Variants in POPDC1 observed in about 807,000 individuals in gnomAD.
POPDC1 encodes popeye domain-containing protein 1.
the POPDC1 span, chr6:105,116,991 T>TA: frequency 7.9e-5 from 78 of 983,436 alleles, no homozygotes; most frequent in Middle Eastern, 3.2e-4. Flanking sequence ...TGTCAAATTA[T>TA]AAAAAAAAGG....
chr6:105,103,138 GT>G, the POPDC1 span, among the ~76,000 whole-genome samples: 1 of 151,918 alleles, frequency 6.6e-6, no homozygotes, highest in Non-Finnish European at 1.5e-5. Context: ...CCTTGGACAA[GT>G]TACTTCTTTG....
At chr6:105,121,999 C>T in the POPDC1 span, among the ~76,000 whole-genome samples, 1 of 152,186 alleles carries the variant, frequency 6.6e-6, no homozygotes, top group African/African-American at 2.4e-5. Context: ...TCCTCTGCCA[C>T]TGACACAGGT....
the POPDC1 span, chr6:105,115,742 T>G: frequency 1.9e-6 from 3 of 1,614,200 alleles, no homozygotes; most frequent in South Asian, 1.1e-5. Context: ...GTCGTCACTG[T>G]CACTGGAGCT....
the POPDC1 span, chr6:105,097,558 T>G: frequency 6.6e-6 from 1 of 152,168 alleles, no homozygotes; most frequent in African/African-American, 2.4e-5. Flanking sequence ...CTGGAAACAC[T>G]GGGGACAGGT....
the POPDC1 span, among the ~76,000 whole-genome samples, chr6:105,121,798 C>T: frequency 6.6e-6 from 1 of 152,232 alleles, no homozygotes; most frequent in African/African-American, 2.4e-5. Context: ...GTCCACTTGC[C>T]TTCTCTTTCC....
chr6:105,114,276 C>T, the POPDC1 span, among the ~76,000 whole-genome samples: 1 of 152,200 alleles, frequency 6.6e-6, no homozygotes, highest in Non-Finnish European at 1.5e-5. Flanking sequence ...AACACAAACT[C>T]ATACAACTTG....
chr6:105,136,869 A>G, the POPDC1 span: 1 of 152,120 alleles, frequency 6.6e-6, no homozygotes, highest in Non-Finnish European at 1.5e-5. Context: ...CGAGGGGCTG[A>G]GATCCAACTT....
At chr6:105,121,500 T>G in the POPDC1 span, among the ~76,000 whole-genome samples, 2 of 152,046 alleles carry the variant, frequency 1.3e-5, no homozygotes, top group African/African-American at 4.8e-5. Context: ...ACTCCTGACC[T>G]CAGGTGATCC....
the POPDC1 span, among the ~76,000 whole-genome samples, chr6:105,111,358 T>A: frequency 8.9e-4 from 135 of 152,296 alleles, no homozygotes; most frequent in East Asian, 6.4e-3. Flanking sequence ...GTTTTATACA[T>A]GAAGGGAGCT....
At chr6:105,098,633 T>A in the POPDC1 span, 1 of 152,196 alleles carries the variant, frequency 6.6e-6, no homozygotes, top group Non-Finnish European at 1.5e-5. Context: ...GTAAACTAAA[T>A]GGGCTGCCCA....
At chr6:105,133,620 T>C in the POPDC1 span, 2 of 1,467,884 alleles carry the variant, frequency 1.4e-6, no homozygotes, top group Admixed American at 2.0e-5. Flanking sequence ...AGTAAAATCG[T>C]AAAAATGGCA....
chr6:105,134,962 A>G, the POPDC1 span, among the ~76,000 whole-genome samples: 1 of 152,190 alleles, frequency 6.6e-6, no homozygotes, highest in Non-Finnish European at 1.5e-5. Context: ...CCATTTATAC[A>G]AAATTTGCTT....
the POPDC1 span, chr6:105,101,255 C>T: frequency 1.3e-6 from 2 of 1,534,560 alleles, no homozygotes; most frequent in African/African-American, 1.4e-5. Context: ...AATGCACAAT[C>T]TACCCAGACC....
the POPDC1 span, among the ~76,000 whole-genome samples, chr6:105,118,205 A>C: frequency 2.0e-5 from 3 of 152,238 alleles, no homozygotes; most frequent in Non-Finnish European, 4.4e-5. Context: ...TCACAAAAGT[A>C]AACACATTTC....
At chr6:105,109,522 G>T in the POPDC1 span, among the ~76,000 whole-genome samples, 1 of 151,840 alleles carries the variant, frequency 6.6e-6, no homozygotes, top group Non-Finnish European at 1.5e-5. Flanking sequence ...CAGATCACTT[G>T]AGCCCAGGAA....
At chr6:105,125,988 C>A in the POPDC1 span, among the ~76,000 whole-genome samples, 1 of 152,096 alleles carries the variant, frequency 6.6e-6, no homozygotes, top group Non-Finnish European at 1.5e-5. Flanking sequence ...CTTTGGAAGG[C>A]CGAGGCGGGT....
At chr6:105,117,596 T>G in the POPDC1 span, among the ~76,000 whole-genome samples, 16 of 152,166 alleles carry the variant, frequency 1.1e-4, no homozygotes, top group African/African-American at 3.9e-4. Context: ...TTTGCCAGAG[T>G]GAGGGGCCAT....
chr6:105,109,151 T>A, the POPDC1 span, among the ~76,000 whole-genome samples: 1 of 151,626 alleles, frequency 6.6e-6, no homozygotes, highest in Non-Finnish European at 1.5e-5. Context: ...AGAGACAGAG[T>A]TTTGTCATGC....
chr6:105,113,240 G>A, the POPDC1 span, among the ~76,000 whole-genome samples: 1 of 152,126 alleles, frequency 6.6e-6, no homozygotes, highest in Admixed American at 6.5e-5. Flanking sequence ...CCAAGCATGA[G>A]CTCTGGAATC....
Sources: allele counts gnomAD v4.1 joint callset (sites outside exome capture counted in the v4.1 genomes callset), GRCh38; gene constraint gnomAD v4.1.1; transcripts MANE v1.5; gene names NCBI Gene and HGNC (gene_info 2026-07-23, HGNC 2026-07-21).